The following ETNPPL variants were observed in gnomAD, a reference collection of about 807,000 sequenced individuals.
ETNPPL encodes the protein ethanolamine-phosphate phospho-lyase.
ETNPPL carries 30 observed loss-of-function variants against 55.5 expected under a neutral mutation model. The ratio of observed to expected loss-of-function variants is 0.54; its 90% CI spans 0.40 to 0.73. ETNPPL has a LOEUF of 0.73. Among genes scored for constraint, ETNPPL ranks in the 30% least tolerant of loss-of-function variants. The pLI, the probability that ETNPPL is intolerant of heterozygous loss-of-function variation, is 0.00. For missense variants in ETNPPL, 528 were observed against 607.9 expected, an observed-to-expected ratio of 0.87 and a Z score of 1.38; for synonymous variants, 202 against 207.2, an observed-to-expected ratio of 0.98 and a Z score of 0.21.
At chr4:108,752,793 G>T in intron 6 of ETNPPL, 102 bp downstream of exon 6, 2 of 710,454 alleles carry the variant, frequency 2.8e-6, no homozygotes, top group Middle Eastern at 5.0e-4. Context: ...GAACAGAAAG[G>T]GACATTAGAT....
At chr4:108,743,500 T>G (rs929679928) in intron 12 of ETNPPL, among the ~76,000 whole-genome samples, 1 of 152,160 alleles carries the variant, frequency 6.6e-6, no homozygotes, top group Non-Finnish European at 1.5e-5. Flanking sequence ...TAGGCCGTTT[T>G]AATTCTCTCT....
Position 108,742,518 on chromosome 4 carries a change from G to A in ETNPPL, c.1466C>T (p.Thr489Ile), listed in dbSNP as rs1459500503. 1.2e-6 allele frequency: 2 copies of A among 1,614,120 alleles called. No homozygotes were observed. The highest frequency in any genetic ancestry group is 1.7e-6 in the Non-Finnish European group (2 of 1,179,992). Residue 489 changes from threonine to isoleucine, a missense_variant, in exon 13 of 13, where the codon ACA becomes ATA. By Grantham distance (89) the Thr-to-Ile change is moderately conservative. Transcript: ENST00000296486. ...GAGCCTCTTACTGAGCAGTGAATGT[G>A]TATCCGTGCACATTCCATTTCTCTT... ...SRKRNGMCTD[T>I]HSLLSKRLKT
intron 9 of ETNPPL, among the ~76,000 whole-genome samples, chr4:108,747,133 TA>T (rs1728551944): frequency 2.0e-5 from 1 of 50,068 alleles, no homozygotes; most frequent in South Asian, 6.6e-4. Context: ...ATTATATATA[TA>T]TATATATATA....
At chr4:108,747,193 ATT>A (rs1728620277) in intron 9 of ETNPPL, among the ~76,000 whole-genome samples, 1 of 9,462 alleles carries the variant, frequency 1.1e-4, no homozygotes, top group African/African-American at 9.2e-4. Context: ...ATATATATAT[ATT>A]ATATATATAT....
intron 2 of ETNPPL, 84 bp from the exon 3 acceptor site, chr4:108,759,992 A>T (rs1249511496): frequency 2.2e-6 from 3 of 1,392,224 alleles, no homozygotes; most frequent in Non-Finnish European, 3.0e-6. Flanking sequence ...GCAAGCAAGC[A>T]AGCAAACAAA....
intron 12 of ETNPPL, 125 bp downstream of exon 12, chr4:108,743,664 G>T: frequency 1.4e-6 from 1 of 710,066 alleles, no homozygotes; most frequent in East Asian, 2.6e-5. Context: ...AACAATAAGT[G>T]AACCTAATAC....
chr4:108,749,266 C>T lies in ETNPPL; in HGVS notation c.899G>A (p.Ser300Asn), dbSNP rs948584719. The T allele has an allele frequency of 3.1e-6, 5 of 1,613,842 alleles. No individual in the cohort carries two copies. The highest frequency in any genetic ancestry group is 3.4e-6 in the Non-Finnish European group (4 of 1,179,884). ...ATTAAAATATTCCATCCCAGAGCTG[C>T]TGAAGGCTTCTGCAATTTCTTTGGT... ...VTTKEIAEAF[S>N]SSGMEYFNTY... is the part of the protein sequence containing the mutation. The change falls in exon 8 of 13, where the codon AGC becomes AAC. Residue 300 changes from serine to asparagine, a missense_variant. Coordinates refer to ENST00000296486, the MANE Select transcript of ETNPPL (RefSeq NM_031279.4).
chr4:108,753,811 G>A (rs28438387), intron 5 of ETNPPL, among the ~76,000 whole-genome samples: 86,184 of 128,270 alleles, frequency 0.67, 26,366 homozygotes, highest in East Asian at 0.77. Context: ...AAAGAAAAGA[G>A]AAGAAAAGAA....
chr4:108,748,292 G>T, intron 8 of ETNPPL, 133 bp from the exon 9 acceptor site: 1 of 593,928 alleles, frequency 1.7e-6, no homozygotes, highest in Non-Finnish European at 2.8e-6. Context: ...TATAATATTA[G>T]TTTCTCATAT....
chr4:108,752,816 C>A (rs2125677175), intron 6 of ETNPPL, 79 bp downstream of exon 6: 1 of 810,870 alleles, frequency 1.2e-6, no homozygotes, highest in South Asian at 1.7e-5. Flanking sequence ...AATCCTTTTC[C>A]ATCTCTTCAG....
intron 5 of ETNPPL, among the ~76,000 whole-genome samples, chr4:108,753,749 T>TAAAGAAAGAAAGA (rs1553934219): frequency 1.2e-4 from 9 of 76,712 alleles, no homozygotes; most frequent in African/African-American, 3.7e-4. Context: ...CTCAAATAAA[T>TAAAGAAAGAAAGA]AAGAAAGAAA....
intron 4 of ETNPPL, among the ~76,000 whole-genome samples, chr4:108,755,139 A>T (rs1729137457): frequency 1.3e-5 from 2 of 152,212 alleles, no homozygotes; most frequent in African/African-American, 4.8e-5. Flanking sequence ...TAGAATGGGC[A>T]TCTGTTTCTG....
At chr4:108,755,975 C>T (rs1054427348) in intron 4 of ETNPPL, among the ~76,000 whole-genome samples, 2 of 152,122 alleles carry the variant, frequency 1.3e-5, no homozygotes, top group Non-Finnish European at 2.9e-5. Flanking sequence ...ACGTGGCTGC[C>T]GGTTTTCTTT....
intron 5 of ETNPPL, among the ~76,000 whole-genome samples, chr4:108,753,811 G>GGAA (rs1729060144): frequency 2.0e-4 from 26 of 128,930 alleles, no homozygotes; most frequent in East Asian, 6.6e-4. Context: ...AAAGAAAAGA[G>GGAA]AAGAAAAGAA....
intron 1 of ETNPPL, 97 bp downstream of exon 1, chr4:108,762,746 A>C (rs547647101): frequency 2.9e-6 from 4 of 1,396,576 alleles, no homozygotes; most frequent in South Asian, 1.2e-5. Context: ...GTGCGGCTGC[A>C]GCGCATCGTT....
At chr4:108,747,399 C>A (rs1236307558) in intron 9 of ETNPPL, among the ~76,000 whole-genome samples, 1 of 150,258 alleles carries the variant, frequency 6.7e-6, no homozygotes, top group Admixed American at 6.7e-5. Context: ...ATTATCCTAA[C>A]TTTATTAAAA....
Position 108,742,705 on chromosome 4 carries a change from C to A in ETNPPL, c.1372-93G>T, listed in dbSNP as rs570181638. ...AACAAGTCCACACACAAACAAAGGA[C>A]ACAGAAAAACCAAACAAAACAACAC... On this transcript the variant is annotated intron_variant, in intron 12 of 12. Coordinates refer to ENST00000296486, the MANE Select transcript of ETNPPL (RefSeq NM_031279.4). The A allele has an allele frequency of 5.5e-6, 8 of 1,447,388 alleles. No individual in the cohort carries two copies. The South Asian group carries it at 6.0e-5, about 11-fold the overall frequency. The allele number at this position is 1,447,388 out of a possible 1,614,324, so 89.7% of individuals were successfully genotyped here.
chr4:108,747,124 T>TTA (rs373968611), intron 9 of ETNPPL, among the ~76,000 whole-genome samples: 634 of 44,822 alleles, frequency 0.014, 96 homozygotes, highest in Non-Finnish European at 0.019. Flanking sequence ...AATGTTAACA[T>TTA]TATATATATA....
intron 5 of ETNPPL, among the ~76,000 whole-genome samples, chr4:108,753,929 T>A (rs1240637913): frequency 2.6e-5 from 4 of 151,450 alleles, no homozygotes; most frequent in African/African-American, 9.7e-5. Context: ...TAAAGCTATA[T>A]AATAATTTAG....
Sources: gnomAD v4.1 joint callset for allele counts (sites outside exome capture counted in the v4.1 genomes callset) on GRCh38, gnomAD v4.1.1 for gene constraint, MANE v1.5 for transcripts, NCBI Gene and HGNC (gene_info 2026-07-23, HGNC 2026-07-21) for gene names.